TOGARAM2: variants seen among roughly 807,000 people sequenced by gnomAD.
TOGARAM2 encodes the protein TOG array regulator of axonemal microtubules 2, also known as TOG array regulator of axonemal microtubules protein 2.
A neutral mutation model predicts 93.3 loss-of-function variants in TOGARAM2; 85 were observed. The observed-to-expected ratio is 0.91, with a 90% confidence interval of 0.76 to 1.09. The LOEUF is 1.09. TOGARAM2 is among the 50% of genes least tolerant of loss of function. The pLI is 0.00. For synonymous variants in TOGARAM2, 593 were observed against 552.8 expected (o/e 1.07, Z -1.02); for missense variants, 1,277 against 1,334.5 (o/e 0.96, Z 0.67).
Position 29,003,672 on chromosome 2 carries a change from C to T in TOGARAM2, c.820C>T (p.Pro274Ser). ...GGGAGTCCTCACAGGCCTGAGGGCC[C>T]CACGCACGCGGTAAGAGCTCCAAGT... ...GQGVLTGLRA[P>S]RTRLARGSGP... The change falls in exon 6 of 20, where the codon CCA becomes TCA. Residue 274 changes from proline to serine, a missense_variant. Pro to Ser is a moderately conservative substitution (Grantham distance 74). Transcript: ENST00000379558. 1 of 1,542,138 alleles carries T rather than the reference C, an allele frequency of 6.5e-7. No individual in the cohort carries two copies. Among genetic ancestry groups the T allele is most frequent in the Non-Finnish European group, 8.7e-7 (1 of 1,145,924 alleles).
At chr2:29,007,879 G>A (rs894784478) in intron 6 of TOGARAM2, among the ~76,000 whole-genome samples, 5 of 151,834 alleles carry the variant, frequency 3.3e-5, no homozygotes, top group African/African-American at 7.3e-5. Flanking sequence ...CATTTACGAG[G>A]GGACATGGTG....
intron 6 of TOGARAM2, among the ~76,000 whole-genome samples, chr2:29,003,976 A>G (rs1364710920): frequency 6.6e-6 from 1 of 152,240 alleles, no homozygotes; most frequent in Non-Finnish European, 1.5e-5. Context: ...GGAGTAATGA[A>G]TAAAACACTA....
At chr2:29,016,227 G>T (rs1664561806) in intron 8 of TOGARAM2, among the ~76,000 whole-genome samples, 1 of 152,084 alleles carries the variant, frequency 6.6e-6, no homozygotes. Context: ...TATCAGCGAA[G>T]AGAGTGAGCT....
intron 6 of TOGARAM2, among the ~76,000 whole-genome samples, chr2:29,008,860 A>G (rs1664043528): frequency 6.6e-6 from 1 of 152,198 alleles, no homozygotes; most frequent in African/African-American, 2.4e-5. Context: ...CAGGATTGGT[A>G]CCTGGCATGG....
intron 6 of TOGARAM2, among the ~76,000 whole-genome samples, chr2:29,006,418 GTATC>G (rs1663871018): frequency 1.5e-5 from 1 of 65,686 alleles, no homozygotes; most frequent in Non-Finnish European, 5.1e-5. Context: ...GTGTTCATGT[GTATC>G]TGTGTGTGTG....
intron 1 of TOGARAM2, among the ~76,000 whole-genome samples, chr2:28,988,696 C>T (rs10181032): frequency 0.43 from 65,752 of 152,022 alleles, 15,364 homozygotes; most frequent in Middle Eastern, 0.55. Flanking sequence ...TACTCTCCAA[C>T]CTCTCTCCTG....
At chr2:29,004,063 T>G (rs910815234) in intron 6 of TOGARAM2, among the ~76,000 whole-genome samples, 2 of 152,222 alleles carry the variant, frequency 1.3e-5, no homozygotes, top group Non-Finnish European at 2.9e-5. Flanking sequence ...TGGTGTGATC[T>G]CAACTCACTG....
At chr2:29,051,595 A>C (rs1236540346) in intron 19 of TOGARAM2, 161 bp from the exon 20 acceptor site, 4 of 550,566 alleles carry the variant, frequency 7.3e-6, no homozygotes, top group Non-Finnish European at 9.5e-6. Flanking sequence ...TGTTAAAAGA[A>C]GCTAACACAT....
At chr2:28,982,658 GCC>G (rs1672255451) in intron 1 of TOGARAM2, among the ~76,000 whole-genome samples, 1 of 152,158 alleles carries the variant, frequency 6.6e-6, no homozygotes, top group South Asian at 2.1e-4. Context: ...GGAGAGACCT[GCC>G]TCTGAGGGCA....
At chr2:29,011,144 G>A (rs997751075) in intron 6 of TOGARAM2, among the ~76,000 whole-genome samples, 1 of 152,202 alleles carries the variant, frequency 6.6e-6, no homozygotes, top group Admixed American at 6.5e-5. Flanking sequence ...GCAGCACAGC[G>A]GGAGGGTGGG....
intron 6 of TOGARAM2, among the ~76,000 whole-genome samples, chr2:29,006,360 A>ATGTGTATG (rs1663855200): frequency 8.6e-6 from 1 of 116,330 alleles, no homozygotes; most frequent in African/African-American, 4.2e-5. Flanking sequence ...GTGTGAGTGC[A>ATGTGTATG]TGTGTGTGCA....
At chr2:29,026,761 A>C in intron 13 of TOGARAM2, 92 bp from the exon 14 acceptor site, 4 of 1,316,474 alleles carry the variant, frequency 3.0e-6, no homozygotes, top group Non-Finnish European at 3.0e-6. Flanking sequence ...GGCATGAAGC[A>C]TGGGTCTGCA....
intron 14 of TOGARAM2, chr2:29,032,661 T>C (rs1162257926): frequency 8.0e-6 from 3 of 374,236 alleles, no homozygotes; most frequent in Non-Finnish European, 1.4e-5. Flanking sequence ...ATACAACTTG[T>C]ATATACATTC....
Position 29,023,076 on chromosome 2 carries a change from TG to T in TOGARAM2, c.1512-9del. 1.3e-6 allele frequency: 2 copies of T among 1,579,462 alleles called. No homozygotes were observed. Among genetic ancestry groups the T allele is most frequent in the Non-Finnish European group, 1.7e-6 (2 of 1,162,004 alleles). ...ACCCTTCTGCAACAGGGCCTGGCCT[TG>T]CTTCTCAGGCAGATGAAGGAGAAGG... On this transcript the variant is annotated splice_polypyrimidine_tract_variant and intron_variant, in intron 11 of 19. Transcript: ENST00000379558.
chr2:29,006,360 A>G (rs1029095286), intron 6 of TOGARAM2, among the ~76,000 whole-genome samples: 2 of 116,328 alleles, frequency 1.7e-5, no homozygotes, highest in African/African-American at 4.2e-5. Flanking sequence ...GTGTGAGTGC[A>G]TGTGTGTGCA....
intron 18 of TOGARAM2, among the ~76,000 whole-genome samples, chr2:29,041,908 T>C (rs1253989547): frequency 6.6e-6 from 1 of 152,374 alleles, no homozygotes; most frequent in East Asian, 1.9e-4. Flanking sequence ...TAATAGCTGA[T>C]ACTTGCATAG....
chr2:29,026,954 C>G lies in TOGARAM2; in HGVS notation c.1955C>G (p.Thr652Arg). 2.5e-6 allele frequency: 4 copies of G among 1,571,888 alleles called. No homozygotes were observed. The highest frequency in any genetic ancestry group is 3.5e-6 in the Non-Finnish European group (4 of 1,158,458). ...EKLLSGTRDS[T>R]DMLVHNLVRL... is the part of the protein sequence containing the mutation. The stretch of plus-strand genomic sequence containing the variant: ...CTTCTCTCGGGCACCAGAGACAGCA[C>G]AGACATGTTGGTGCACAACCTGGTG... The change falls in exon 14 of 20, where the codon ACA (threonine) becomes AGA (arginine). Residue 652 changes from threonine (T) to arginine (R), a missense_variant. Transcript: ENST00000379558.
intron 4 of TOGARAM2, 61 bp downstream of exon 4, chr2:28,999,529 T>G: frequency 6.7e-7 from 1 of 1,492,394 alleles, no homozygotes; most frequent in Non-Finnish European, 8.9e-7. Context: ...GCCGCAGGCC[T>G]CCAGGGCTGT....
rs1023028474 is a variant in TOGARAM2, at chr2:28,956,890, C to T, written c.-147+193C>T. On this transcript the variant is annotated intron_variant, in intron 1 of 6. Coordinates refer to the TOGARAM2 transcript ENST00000401723. This position sits in a 1 kb window ranked among gnomAD's most constrained non-coding sequence, Gnocchi z 4.5. ...CTGTAATCCCAACACTTTGGGAGGC[C>T]GAGGCGGGCGGATCACCTGAGGTCA... is the stretch of plus-strand genomic sequence containing the variant. Among the ~76,000 whole-genome samples the T allele has an allele frequency of 1.3e-5, 2 of 151,962 alleles. No individual in the cohort carries two copies. The highest frequency in any genetic ancestry group is 2.9e-5 in the Non-Finnish European group (2 of 67,994).
Sources: allele counts gnomAD v4.1 joint callset (sites outside exome capture counted in the v4.1 genomes callset), GRCh38; gene constraint gnomAD v4.1.1; non-coding constraint Gnocchi (gnomAD v3.1); transcripts MANE v1.5; gene names NCBI Gene and HGNC (gene_info 2026-07-23, HGNC 2026-07-21).